The following TRPM3 variants were observed in gnomAD, a reference collection of about 807,000 sequenced individuals.
TRPM3 encodes transient receptor potential cation channel subfamily M member 3.
Under a neutral mutation model 181.2 loss-of-function variants are expected in TRPM3, and 77 were observed. The observed-to-expected ratio is 0.42, with a 90% CI of 0.35 to 0.51. TRPM3 has a LOEUF of 0.51. TRPM3 is among the 20% of genes least tolerant of loss of function. The pLI, the probability that TRPM3 is intolerant of heterozygous loss-of-function variation, is 0.01. For synonymous variants in TRPM3, 745 were observed against 796.4 expected (o/e 0.94, Z 1.09); for missense variants, 1,759 against 2,196.7 (o/e 0.80, Z 3.98).
At chr9:70,773,530 C>A (rs1156244) in intron 7 of TRPM3, among the ~76,000 whole-genome samples, 147,878 of 152,258 alleles carry the variant, frequency 0.97, 71,968 homozygotes, top group East Asian at 1. Context: ...AAAGTAATTT[C>A]TCAAAATATT....
chr9:70,650,781 C>T (rs1009497904), intron 9 of TRPM3, among the ~76,000 whole-genome samples: 2 of 152,160 alleles, frequency 1.3e-5, no homozygotes, highest in African/African-American at 4.8e-5. Context: ...CAACATTTCT[C>T]AGTTCATCTG....
At chr9:71,215,047 CAAAAAAAAAAAAA>C (rs72383590) in intron 1 of TRPM3, among the ~76,000 whole-genome samples, 1 of 112,562 alleles carries the variant, frequency 8.9e-6, no homozygotes, top group Non-Finnish European at 1.9e-5. Flanking sequence ...AAAAAAAAAA[CAAAAAAAAAAAAA>C]AACAACAACC....
chr9:71,109,272 A>G (rs1012453608), intron 1 of TRPM3, among the ~76,000 whole-genome samples: 1 of 151,700 alleles, frequency 6.6e-6, no homozygotes, highest in South Asian at 2.1e-4. Flanking sequence ...TTCAATATAT[A>G]TATACATCCT....
chr9:70,811,112 T>C (rs2091941746), intron 6 of TRPM3: 2 of 1,350,846 alleles, frequency 1.5e-6, no homozygotes, highest in African/African-American at 1.5e-5. Context: ...TGAAGACTTC[T>C]GTGGTTAATT....
intron 6 of TRPM3, among the ~76,000 whole-genome samples, chr9:70,812,523 T>A (rs2092217520): frequency 6.6e-6 from 1 of 152,190 alleles, no homozygotes; most frequent in Non-Finnish European, 1.5e-5. Flanking sequence ...TCCAGAGAGT[T>A]CCTAATTAAT....
chr9:70,922,926 A>T (rs1487219970), intron 1 of TRPM3, among the ~76,000 whole-genome samples: 1 of 152,224 alleles, frequency 6.6e-6, no homozygotes, highest in Non-Finnish European at 1.5e-5. Flanking sequence ...GAGACTCTGT[A>T]AACATGTTCC....
At chr9:71,227,042 G>A (rs1241617543) in intron 1 of TRPM3, among the ~76,000 whole-genome samples, 2 of 148,780 alleles carry the variant, frequency 1.3e-5, no homozygotes, top group East Asian at 4.0e-4. Flanking sequence ...CTGGGAGAGG[G>A]AGGTTGCAGT....
intron 1 of TRPM3, among the ~76,000 whole-genome samples, chr9:71,379,149 T>G (rs1046815166): frequency 3.3e-5 from 5 of 152,014 alleles, no homozygotes; most frequent in African/African-American, 7.2e-5. Context: ...TTTTGCTACG[T>G]GAAATACTTA....
At chr9:70,786,120 A>T (rs550310265) in intron 6 of TRPM3, among the ~76,000 whole-genome samples, 1 of 151,086 alleles carries the variant, frequency 6.6e-6, no homozygotes, top group East Asian at 1.9e-4. Context: ...CAGTTTCCTT[A>T]TTGCTGCCTA....
At chr9:71,095,149 T>C (rs2066920217) in intron 1 of TRPM3, among the ~76,000 whole-genome samples, 1 of 152,200 alleles carries the variant, frequency 6.6e-6, no homozygotes, top group Admixed American at 6.6e-5. Context: ...CATATTACTA[T>C]TTCCCTTTTT....
intron 1 of TRPM3, among the ~76,000 whole-genome samples, chr9:71,169,208 T>C (rs532610916): frequency 2.6e-5 from 4 of 152,318 alleles, no homozygotes; most frequent in Non-Finnish European, 5.9e-5. Context: ...AATCTTCATA[T>C]GTTGACTAAA....
chr9:71,226,958 T>C (rs1432853302), intron 1 of TRPM3, among the ~76,000 whole-genome samples: 1 of 151,768 alleles, frequency 6.6e-6, no homozygotes, highest in Non-Finnish European at 1.5e-5. Flanking sequence ...TCTCAGTACA[T>C]AGATCAGTCT....
chr9:71,233,634 A>G (rs2081198618), intron 1 of TRPM3, among the ~76,000 whole-genome samples: 1 of 152,254 alleles, frequency 6.6e-6, no homozygotes, highest in Non-Finnish European at 1.5e-5. Context: ...AAAAACTGCA[A>G]TCTTCTACAT....
chr9:71,394,184 G>A (rs1187818508), intron 1 of TRPM3, among the ~76,000 whole-genome samples: 1 of 152,076 alleles, frequency 6.6e-6, no homozygotes, highest in African/African-American at 2.4e-5. Flanking sequence ...GAAGAATACA[G>A]TACAATTATT....
At chr9:70,785,923 G>A (rs1271692375) in intron 6 of TRPM3, among the ~76,000 whole-genome samples, 1 of 152,136 alleles carries the variant, frequency 6.6e-6, no homozygotes, top group African/African-American at 2.4e-5. Context: ...TTCCTAGAGG[G>A]AACTGGGAGA....
intron 2 of TRPM3, among the ~76,000 whole-genome samples, chr9:70,863,898 T>C (rs769485023): frequency 1.3e-5 from 2 of 152,100 alleles, no homozygotes; most frequent in African/African-American, 2.4e-5. Flanking sequence ...AACTGATCTG[T>C]TGAATTGCCC....
At chr9:70,627,252 G>T (rs2064817897) in intron 12 of TRPM3, among the ~76,000 whole-genome samples, 1 of 144,562 alleles carries the variant, frequency 6.9e-6, no homozygotes, top group South Asian at 2.3e-4. Flanking sequence ...AGGCATATAA[G>T]ACTCCATTGC....
chr9:70,934,517 C>T (rs2096806179), intron 1 of TRPM3, among the ~76,000 whole-genome samples: 1 of 152,170 alleles, frequency 6.6e-6, no homozygotes, highest in African/African-American at 2.4e-5. Flanking sequence ...TGGGAATCAG[C>T]TAGACATAGG....
At chr9:71,206,800 A>C (rs1017267269) in intron 1 of TRPM3, among the ~76,000 whole-genome samples, 19 of 152,150 alleles carry the variant, frequency 1.2e-4, no homozygotes, top group Non-Finnish European at 2.6e-4. Context: ...AGTTTTCTGC[A>C]TATGGCTAGC....
Sources: gnomAD v4.1 joint callset for allele counts (sites outside exome capture counted in the v4.1 genomes callset) on GRCh38, gnomAD v4.1.1 for gene constraint, MANE v1.5 for transcripts, NCBI Gene and HGNC (gene_info 2026-07-23, HGNC 2026-07-21) for gene names.